Variants in NDEL1 observed in about 807,000 individuals in gnomAD.
The protein encoded by NDEL1 is nuclear distribution protein nudE-like 1.
Under a neutral mutation model 45.7 loss-of-function variants are expected in NDEL1, and 9 were observed. The observed-to-expected ratio is 0.20, with a 90% CI of 0.12 to 0.34. NDEL1 has a LOEUF of 0.34. NDEL1 is among the 10% of genes least tolerant of loss of function. The probability of loss-of-function intolerance (pLI) is 1.00; values close to 1 mark genes in which losing one functional copy is unlikely to be tolerated. For missense variants in NDEL1, 306 were observed against 406.2 expected, an observed-to-expected ratio of 0.75 and a Z score of 2.12; for synonymous variants, 133 against 158.6, an observed-to-expected ratio of 0.84 and a Z score of 1.21.
At chr17:8,424,524 C>T (rs563285799) in intron 1 of NDEL1, among the ~76,000 whole-genome samples, 8 of 152,294 alleles carry the variant, frequency 5.3e-5, no homozygotes, top group South Asian at 2.1e-4. Context: ...TGTTTTGAGA[C>T]GGAGTCTTGT....
At chr17:8,454,192 C>T (rs912923764) in intron 6 of NDEL1, among the ~76,000 whole-genome samples, 3 of 151,994 alleles carry the variant, frequency 2.0e-5, no homozygotes, top group African/African-American at 4.8e-5. Context: ...ATGAATGTCA[C>T]GCTGAGAGAT....
At chr17:8,420,026 G>A (rs1382452034) in intron 1 of NDEL1, among the ~76,000 whole-genome samples, 3 of 152,142 alleles carry the variant, frequency 2.0e-5, no homozygotes, top group African/African-American at 7.2e-5. Flanking sequence ...TCCCTGAGTC[G>A]GCCACTAACG....
chr17:8,448,535 A>G lies in NDEL1; in HGVS notation c.390-15A>G, dbSNP rs776969496. On this transcript the variant is annotated splice_polypyrimidine_tract_variant and intron_variant, in intron 4 of 8. Transcript: ENST00000334527. ...GTTATTTATTTAATTCATGTACTCT[A>G]ATTTTTCTTTTTAGGGCAACAATAG... 6.2e-7 allele frequency: 1 copy of G among 1,608,692 alleles called. No individual in the cohort carries two copies. The highest frequency in any genetic ancestry group is 8.5e-7 in the Non-Finnish European group (1 of 1,177,148).
intron 5 of NDEL1, among the ~76,000 whole-genome samples, chr17:8,448,969 T>A (rs1189475570): frequency 2.0e-5 from 3 of 152,238 alleles, no homozygotes; most frequent in Non-Finnish European, 1.5e-5. Context: ...ACTGTCCCTA[T>A]GCCAGAAGAA....
chr17:8,421,686 A>C (rs546112041), intron 1 of NDEL1, among the ~76,000 whole-genome samples: 7 of 152,318 alleles, frequency 4.6e-5, no homozygotes, highest in Admixed American at 1.3e-4. Context: ...CAGCCACAGG[A>C]AACAAATACA....
intron 8 of NDEL1, 34 bp from the exon 9 acceptor site, chr17:8,466,894 CCT>C (rs754287728): frequency 2.5e-6 from 4 of 1,588,038 alleles, no homozygotes; most frequent in Non-Finnish European, 1.7e-6. Flanking sequence ...TTTCGTTTCC[CCT>C]TTCTTCCCTT....
chr17:8,460,286 C>A, intron 8 of NDEL1, 126 bp downstream of exon 8: 1 of 1,032,174 alleles, frequency 9.7e-7, no homozygotes, highest in Non-Finnish European at 1.4e-6. Flanking sequence ...TGTTATCATT[C>A]TAATCTTAGG....
chr17:8,470,398 G>A (rs948304732), downstream of NDEL1, among the ~76,000 whole-genome samples: 1 of 152,072 alleles, frequency 6.6e-6, no homozygotes, highest in African/African-American at 2.4e-5. This position sits in a 1 kb window ranked among gnomAD's most constrained non-coding sequence, Gnocchi z 4.2. Flanking sequence ...CATTTCAGCC[G>A]CTCAGTCCTA....
intron 1 of NDEL1, among the ~76,000 whole-genome samples, chr17:8,439,974 T>C (rs751377371): frequency 6.6e-6 from 1 of 152,216 alleles, no homozygotes; most frequent in Non-Finnish European, 1.5e-5. Flanking sequence ...CTTCCAGGTC[T>C]GACTTCAGAC....
At position 8,436,052 on chromosome 17, in the gene NDEL1, C is replaced by T. The variant is rs1567725259; in HGVS notation, c.-13+7C>T. 2.3e-6 allele frequency: 1 copy of T among 435,642 alleles called. No homozygotes were observed. The highest frequency in any genetic ancestry group is 8.7e-5 in the East Asian group (1 of 11,556). The allele number at this position is 435,642 out of a possible 1,614,324, so 27.0% of individuals were successfully genotyped here. A position where few individuals can be genotyped will look rare whatever the true frequency, so the allele number is the denominator to read the frequency against. On this transcript the variant is annotated splice_region_variant and intron_variant, in intron 1 of 8. Coordinates refer to ENST00000334527, the MANE Select transcript of NDEL1 (RefSeq NM_030808.5). ...CGCTTTTGACACATTGGAGGTGAGC[C>T]TGCAGCGCGGGGCCGCTCCCTAAGG...
chr17:8,455,551 G>A (rs577557517), intron 7 of NDEL1, among the ~76,000 whole-genome samples: 1 of 152,170 alleles, frequency 6.6e-6, no homozygotes, highest in East Asian at 1.9e-4. Flanking sequence ...AGTCGGCATG[G>A]TGGCAGATGC....
At chr17:8,436,702 T>G (rs997985008) in intron 1 of NDEL1, 3 of 152,178 alleles carry the variant, frequency 2.0e-5, no homozygotes, top group Non-Finnish European at 4.4e-5. Context: ...GAGGTGAGAG[T>G]TCTGTCACCA....
At chr17:8,463,478 G>T (rs1911363931) in intron 8 of NDEL1, 1 of 788,080 alleles carries the variant, frequency 1.3e-6, no homozygotes, top group East Asian at 2.6e-5. Flanking sequence ...CCAACTTACA[G>T]CCCATCAGTG....
At chr17:8,429,481 G>A (rs1041841145) in intron 1 of NDEL1, among the ~76,000 whole-genome samples, 1 of 152,074 alleles carries the variant, frequency 6.6e-6, no homozygotes, top group Non-Finnish European at 1.5e-5. Flanking sequence ...GCTCACTTTG[G>A]GACTTTGAGT....
intron 6 of NDEL1, among the ~76,000 whole-genome samples, chr17:8,453,182 G>A (rs1450968748): frequency 6.6e-6 from 1 of 152,140 alleles, no homozygotes; most frequent in East Asian, 1.9e-4. Context: ...TTTATATCAC[G>A]TTGAGCGCCT....
chr17:8,454,380 C>CA (rs879578656), intron 6 of NDEL1, among the ~76,000 whole-genome samples: 3,248 of 136,288 alleles, frequency 0.024, 52 homozygotes, highest in African/African-American at 0.054. Flanking sequence ...ATCAAATTGT[C>CA]AAAAAAAAAA....
At chr17:8,469,666 C>G (rs911710966), downstream of NDEL1, among the ~76,000 whole-genome samples, 2 of 149,688 alleles carry the variant, frequency 1.3e-5, no homozygotes, top group African/African-American at 4.9e-5. Flanking sequence ...CCTAGCCAGT[C>G]TAATTTAGCA....
At chr17:8,447,502 T>A (rs1389533442) in intron 4 of NDEL1, among the ~76,000 whole-genome samples, 1 of 152,214 alleles carries the variant, frequency 6.6e-6, no homozygotes, top group Non-Finnish European at 1.5e-5. Context: ...ATCTTCCCTC[T>A]GTGCTCTTAA....
chr17:8,453,197 T>C (rs1194098474), intron 6 of NDEL1, among the ~76,000 whole-genome samples: 4 of 152,246 alleles, frequency 2.6e-5, no homozygotes, highest in Admixed American at 6.5e-5. Flanking sequence ...GCGCCTGTTA[T>C]GTGTCATGTG....
Sources: allele counts gnomAD v4.1 joint callset (sites outside exome capture counted in the v4.1 genomes callset), GRCh38; gene constraint gnomAD v4.1.1; non-coding constraint Gnocchi (gnomAD v3.1); transcripts MANE v1.5; gene names NCBI Gene and HGNC (gene_info 2026-07-23, HGNC 2026-07-21).